Variants in PIP5K1A observed in about 807,000 individuals in gnomAD.
PIP5K1A encodes phosphatidylinositol-4-phosphate 5-kinase type 1 alpha.
A neutral mutation model predicts 72.9 loss-of-function variants in PIP5K1A; 46 were observed. That is an observed-to-expected ratio of 0.63 (90% CI 0.50 to 0.81). PIP5K1A has a LOEUF of 0.81. Ranked by LOEUF, PIP5K1A falls within the 30% of genes least tolerant of loss-of-function variation. The probability of loss-of-function intolerance (pLI) is 0.00; values close to 1 mark genes in which losing one functional copy is unlikely to be tolerated. For synonymous variants in PIP5K1A, 228 were observed against 255.1 expected (o/e 0.89, Z 1.01); for missense variants, 458 against 706.1 (o/e 0.65, Z 3.98).
chr1:151,217,685 C>T (rs1349518586), intron 1 of PIP5K1A, among the ~76,000 whole-genome samples: 1 of 152,096 alleles, frequency 6.6e-6, no homozygotes, highest in East Asian at 1.9e-4. Context: ...AGGCCCAGGC[C>T]ATCTTCCCAC....
At chr1:151,208,474 C>T (rs1686281544) in intron 1 of PIP5K1A, among the ~76,000 whole-genome samples, 1 of 151,300 alleles carries the variant, frequency 6.6e-6, no homozygotes, top group African/African-American at 2.4e-5. Flanking sequence ...GATTCCCCTG[C>T]CTCAGCCTCC....
intron 1 of PIP5K1A, among the ~76,000 whole-genome samples, chr1:151,207,224 A>G (rs979419532): frequency 6.6e-6 from 1 of 152,214 alleles, no homozygotes; most frequent in Non-Finnish European, 1.5e-5. Flanking sequence ...AGATAGAACC[A>G]GATTTGGAAA....
In PIP5K1A at chr1:151,224,239, C is replaced by T. The variant is rs773512854; in HGVS notation, c.86-6C>T. The T allele has an allele frequency of 1.9e-6, 3 of 1,612,208 alleles. No homozygotes were observed. Among genetic ancestry groups the T allele is most frequent in the Non-Finnish European group, 2.5e-6 (3 of 1,178,590 alleles). The stretch of plus-strand genomic sequence containing the variant: ...ACTCTTATGATTGTTTTTTTTTCCC[C>T]CCTAGCAGCATCTGGAATCAAGAGA... On this transcript the variant is annotated splice_polypyrimidine_tract_variant and splice_region_variant and intron_variant, in intron 1 of 15. Transcript: ENST00000368888.
At chr1:151,203,529 CAAA>C (rs779807830) in intron 1 of PIP5K1A, among the ~76,000 whole-genome samples, 2 of 91,596 alleles carry the variant, frequency 2.2e-5, no homozygotes, top group African/African-American at 4.1e-5. Context: ...AACTCCATCT[CAAA>C]AAAAAAAAAA....
chr1:151,216,905 T>G (rs976745815), intron 1 of PIP5K1A, among the ~76,000 whole-genome samples: 2 of 14,760 alleles, frequency 1.4e-4, no homozygotes, highest in Non-Finnish European at 3.8e-4. Context: ...TAAATGTTTT[T>G]TTTTTTTTTT....
At chr1:151,240,718 G>A (rs928481476) in intron 12 of PIP5K1A, among the ~76,000 whole-genome samples, 9 of 151,942 alleles carry the variant, frequency 5.9e-5, no homozygotes, top group African/African-American at 2.2e-4. Flanking sequence ...GGTTAAGCCC[G>A]ATAGTTTGGA....
Position 151,212,211 on chromosome 1 carries a change from C to T in PIP5K1A, c.86-12034C>T, listed in dbSNP as rs972841589. On this transcript the variant is annotated intron_variant, in intron 1 of 15. Transcript: ENST00000368888. ...CTTAACGCCTGTAATCCCAGCACTT[C>T]GGGAGGCCAAAGTGGGTGGATCAGT... is the stretch of plus-strand genomic sequence containing the variant. Among the ~76,000 whole-genome samples the T allele has an allele frequency of 5.2e-4, 79 of 152,024 alleles. 1 individual carries two copies. Among genetic ancestry groups the T allele is most frequent in the Non-Finnish European group, 1.0e-3 (71 of 68,002 alleles).
At chr1:151,215,450 C>T (rs1425283400) in intron 1 of PIP5K1A, among the ~76,000 whole-genome samples, 1 of 152,048 alleles carries the variant, frequency 6.6e-6, no homozygotes, top group East Asian at 1.9e-4. Flanking sequence ...CCTGCCTCAG[C>T]CTCCTGAGAA....
intron 14 of PIP5K1A, among the ~76,000 whole-genome samples, chr1:151,245,686 C>T (rs1692399378): frequency 6.6e-6 from 1 of 152,112 alleles, no homozygotes; most frequent in African/African-American, 2.4e-5. Context: ...CAAGCGTGCA[C>T]CATCATGCCT....
At chr1:151,240,791 C>A (rs1691571690) in intron 12 of PIP5K1A, among the ~76,000 whole-genome samples, 1 of 152,114 alleles carries the variant, frequency 6.6e-6, no homozygotes, top group African/African-American at 2.4e-5. Flanking sequence ...ATAAAAAAAT[C>A]TTTACAAAGT....
rs761527729 is a variant in PIP5K1A, at chr1:151,234,462, A to G, written c.905A>G (p.Asn302Ser). 4.3e-6 allele frequency: 7 copies of G among 1,613,904 alleles called. No individual in the cohort carries two copies. Among genetic ancestry groups the G allele is most frequent in the Non-Finnish European group, 5.1e-6 (6 of 1,179,930 alleles). ...DGLFLDADMYNALCKTLQRDC... is the reference protein window; with the variant it reads ...DGLFLDADMYSALCKTLQRDC... Reference sequence around the variant, plus strand: ...CTTTTTTTGGATGCTGACATGTACAACGCTCTCTGTAAGACCCTGCAGCGT... The same window carrying G: ...CTTTTTTTGGATGCTGACATGTACAGCGCTCTCTGTAAGACCCTGCAGCGT... Residue 302 changes from asparagine to serine, a missense_variant, in exon 8 of 16, where the codon AAC becomes AGC. Asn to Ser is a conservative substitution (Grantham distance 46, BLOSUM62 1). Around this residue, in one of 3 missense-constraint regions of PIP5K1A, gnomAD observed 220 missense variants for 442.6 expected, o/e 0.50. Transcript: ENST00000368888.
intron 1 of PIP5K1A, among the ~76,000 whole-genome samples, chr1:151,215,556 A>C (rs1015301115): frequency 9.9e-5 from 15 of 151,642 alleles, no homozygotes; most frequent in Non-Finnish European, 2.2e-4. Flanking sequence ...TGGTCTTGTG[A>C]ACTCTTGACC....
At chr1:151,218,632 G>T (rs1045720466) in intron 1 of PIP5K1A, among the ~76,000 whole-genome samples, 1 of 151,700 alleles carries the variant, frequency 6.6e-6, no homozygotes, top group Non-Finnish European at 1.5e-5. Context: ...TCAAGAGATC[G>T]AGACCATCCT....
At chr1:151,236,804 C>T (rs1418157829) in intron 9 of PIP5K1A, 41 bp downstream of exon 9, 1 of 1,200,176 alleles carries the variant, frequency 8.3e-7, no homozygotes, top group Non-Finnish European at 1.2e-6. Context: ...AACATAGGCC[C>T]ACAGCACTTT....
intron 1 of PIP5K1A, among the ~76,000 whole-genome samples, chr1:151,206,973 G>T (rs1475117885): frequency 6.6e-6 from 1 of 152,134 alleles, no homozygotes; most frequent in Non-Finnish European, 1.5e-5. Context: ...GGGTTCAAGC[G>T]ATTCTCCTGT....
intron 1 of PIP5K1A, 77 bp from the exon 2 acceptor site, chr1:151,224,168 C>G: frequency 7.5e-7 from 1 of 1,324,834 alleles, no homozygotes; most frequent in Non-Finnish European, 1.1e-6. Flanking sequence ...TTGACTCAAA[C>G]TCTGATGGTT....
At chr1:151,227,753 G>T (rs1241291432) in intron 4 of PIP5K1A, among the ~76,000 whole-genome samples, 2 of 152,050 alleles carry the variant, frequency 1.3e-5, no homozygotes, top group East Asian at 3.9e-4. Context: ...TAGCTGGGTG[G>T]CACACGCTTG....
Position 151,198,992 on chromosome 1 carries a change from C to T in PIP5K1A, c.-5C>T, listed in dbSNP as rs1161528817. The T allele has an allele frequency of 1.2e-6, 2 of 1,613,712 alleles. No individual in the cohort carries two copies. Among genetic ancestry groups the T allele is most frequent in the Non-Finnish European group, 1.7e-6 (2 of 1,179,788 alleles). The stretch of plus-strand genomic sequence containing the variant: ...CAGGCCGCTGAGGGGGAGGGGGCTG[C>T]TAAGATGGCGTCGGCCTCCTCCGGG... On this transcript the variant is annotated 5_prime_UTR_variant, in exon 1 of 16. Transcript: ENST00000368888.
intron 4 of PIP5K1A, among the ~76,000 whole-genome samples, chr1:151,229,505 G>A (rs991962919): frequency 1.3e-5 from 2 of 151,554 alleles, no homozygotes; most frequent in Non-Finnish European, 2.9e-5. Context: ...GGGATTACAG[G>A]CATGCACCAC....
Sources: allele counts gnomAD v4.1 joint callset (sites outside exome capture counted in the v4.1 genomes callset), GRCh38; gene constraint gnomAD v4.1.1; regional missense constraint gnomAD v4.1.1; transcripts MANE v1.5; gene names NCBI Gene and HGNC (gene_info 2026-07-23, HGNC 2026-07-21).